ZNF385D: variants seen among roughly 807,000 people sequenced by gnomAD.
ZNF385D encodes the protein zinc finger protein 659.
Under a neutral mutation model 35.8 loss-of-function variants are expected in ZNF385D, and 15 were observed. The observed-to-expected ratio is 0.42, with a 90% confidence interval of 0.28 to 0.64. The LOEUF is 0.64. Ranked by LOEUF, ZNF385D falls within the 30% of genes least tolerant of loss-of-function variation. The pLI is 0.23. For synonymous variants in ZNF385D, 212 were observed against 186.8 expected, an observed-to-expected ratio of 1.13 and a Z score of -1.10; for missense variants, 474 against 494.6, an observed-to-expected ratio of 0.96 and a Z score of 0.39.
At chr3:21,857,590 A>C (rs1342853102) in intron 3 of ZNF385D, among the ~76,000 whole-genome samples, 1 of 151,890 alleles carries the variant, frequency 6.6e-6, no homozygotes, top group Non-Finnish European at 1.5e-5. Context: ...GAAGTCCTGG[A>C]GCTCAGTGAG....
intron 4 of ZNF385D, among the ~76,000 whole-genome samples, chr3:21,499,371 C>A (rs1173844056): frequency 2.6e-5 from 4 of 152,080 alleles, no homozygotes; most frequent in Non-Finnish European, 5.9e-5. Context: ...AGCGAACTAA[C>A]ACAGGGATGG....
chr3:21,490,115 C>G (rs767490583), intron 4 of ZNF385D, among the ~76,000 whole-genome samples: 9 of 152,088 alleles, frequency 5.9e-5, no homozygotes, highest in Admixed American at 1.3e-4. Context: ...TTCCTTTGCT[C>G]TCCAACTCTT....
At chr3:21,647,368 C>T (rs1379563985) in intron 2 of ZNF385D, among the ~76,000 whole-genome samples, 1 of 150,310 alleles carries the variant, frequency 6.7e-6, no homozygotes, top group African/African-American at 2.4e-5. Context: ...CTCCCCCTCT[C>T]CCTTCCTTCC....
chr3:21,898,104 T>G (rs1699225603), intron 3 of ZNF385D, among the ~76,000 whole-genome samples: 1 of 152,156 alleles, frequency 6.6e-6, no homozygotes, highest in East Asian at 1.9e-4. Context: ...TGAATGAAAA[T>G]GTACAACTTT....
chr3:22,217,961 C>A (rs1228789971), intron 2 of ZNF385D, among the ~76,000 whole-genome samples: 1 of 152,098 alleles, frequency 6.6e-6, no homozygotes, highest in Non-Finnish European at 1.5e-5. Context: ...ATTCACCGTC[C>A]TTTTATGGTT....
intron 3 of ZNF385D, among the ~76,000 whole-genome samples, chr3:21,938,077 G>A (rs528050681): frequency 3.3e-5 from 5 of 152,204 alleles, no homozygotes; most frequent in Admixed American, 6.5e-5. Context: ...ATATTCAACC[G>A]AACAGAATCC....
At chr3:22,081,163 C>T (rs1700732611) in intron 3 of ZNF385D, among the ~76,000 whole-genome samples, 1 of 152,150 alleles carries the variant, frequency 6.6e-6, no homozygotes, top group African/African-American at 2.4e-5. Flanking sequence ...AATAAATGTT[C>T]AATCTATGAT....
chr3:22,147,922 T>C (rs1704964641), intron 3 of ZNF385D, among the ~76,000 whole-genome samples: 1 of 152,152 alleles, frequency 6.6e-6, no homozygotes, highest in South Asian at 2.1e-4. Flanking sequence ...ATGGCTCCAA[T>C]ACAGAAAAAA....
At chr3:21,960,022 CAAAAA>C (rs34894053) in intron 3 of ZNF385D, among the ~76,000 whole-genome samples, 1 of 114,618 alleles carries the variant, frequency 8.7e-6, no homozygotes, top group Admixed American at 9.0e-5. Context: ...GCACAGCCTC[CAAAAA>C]AAAAAAAAAA....
At chr3:21,472,476 T>C (rs1417960824) in intron 4 of ZNF385D, among the ~76,000 whole-genome samples, 2 of 152,146 alleles carry the variant, frequency 1.3e-5, no homozygotes, top group African/African-American at 4.8e-5. Flanking sequence ...GCCAATCACT[T>C]ATCCCTGAGC....
At chr3:21,801,098 A>C (rs1382583554) in intron 3 of ZNF385D, among the ~76,000 whole-genome samples, 1 of 152,046 alleles carries the variant, frequency 6.6e-6, no homozygotes, top group Non-Finnish European at 1.5e-5. Flanking sequence ...TTTTCCCTTC[A>C]TTCTATTAAT....
intron 3 of ZNF385D, among the ~76,000 whole-genome samples, chr3:22,139,513 G>A (rs1704362540): frequency 6.6e-6 from 1 of 151,862 alleles, no homozygotes; most frequent in African/African-American, 2.4e-5. Flanking sequence ...ACTATTGCAA[G>A]GACAACAAAC....
intron 3 of ZNF385D, among the ~76,000 whole-genome samples, chr3:21,795,298 C>T (rs1259632961): frequency 6.6e-6 from 1 of 152,172 alleles, no homozygotes; most frequent in East Asian, 1.9e-4. Flanking sequence ...AACGAAGAAG[C>T]CTGGAAAGTC....
intron 3 of ZNF385D, among the ~76,000 whole-genome samples, chr3:21,829,832 T>C (rs1443812281): frequency 2.6e-5 from 4 of 151,934 alleles, no homozygotes; most frequent in South Asian, 4.1e-4. Flanking sequence ...CAACCTAATA[T>C]TTTAGAGTTT....
Position 21,436,053 on chromosome 3 carries a change from T to G in ZNF385D, c.673+917A>C, listed in dbSNP as rs575948481. On this transcript the variant is annotated intron_variant, in intron 5 of 7. Transcript: ENST00000281523. ...TTTTCTATTATAGTTGCTGACAGAG[T>G]CCTGGCAATGAACCCAGTCTTTTTG... is the stretch of plus-strand genomic sequence containing the variant. 3.3e-5 allele frequency among the ~76,000 whole-genome samples: 5 copies of G among 152,174 alleles called. No individual in the cohort carries two copies. The East Asian group carries it at 7.7e-4, about 24-fold the overall frequency.
intron 3 of ZNF385D, among the ~76,000 whole-genome samples, chr3:22,137,506 G>A (rs974286719): frequency 4.6e-5 from 7 of 152,148 alleles, no homozygotes; most frequent in African/African-American, 1.7e-4. Flanking sequence ...GGGATGCAAG[G>A]CTGGTTCAAC....
At chr3:22,202,831 G>A (rs908620335) in intron 2 of ZNF385D, among the ~76,000 whole-genome samples, 1 of 152,102 alleles carries the variant, frequency 6.6e-6, no homozygotes, top group Admixed American at 6.6e-5. Context: ...TGCCTATAAA[G>A]GGAGCATTTA....
chr3:22,118,962 G>C (rs1468336488), intron 3 of ZNF385D, among the ~76,000 whole-genome samples: 1 of 152,018 alleles, frequency 6.6e-6, no homozygotes, highest in Non-Finnish European at 1.5e-5. Flanking sequence ...TTTTAACATG[G>C]AATATGATCA....
At chr3:21,445,623 G>A (rs1702106387) in intron 4 of ZNF385D, among the ~76,000 whole-genome samples, 2 of 152,094 alleles carry the variant, frequency 1.3e-5, no homozygotes, top group African/African-American at 4.8e-5. Flanking sequence ...TAATTTCTAA[G>A]TCAAAGAGGA....
Sources: gnomAD v4.1 joint callset for allele counts (sites outside exome capture counted in the v4.1 genomes callset) on GRCh38, gnomAD v4.1.1 for gene constraint, MANE v1.5 for transcripts, NCBI Gene and HGNC (gene_info 2026-07-23, HGNC 2026-07-21) for gene names.